Variants in CASD1 observed in about 807,000 individuals in gnomAD.
CASD1 encodes the protein N-acetylneuraminate (7)9-O-acetyltransferase.
In CASD1, 41 loss-of-function variants were observed where a neutral mutation model predicts 100.0. The observed-to-expected ratio is 0.41, with a 90% CI of 0.32 to 0.53. CASD1 has a LOEUF of 0.53. Among genes scored for constraint, CASD1 ranks in the 20% least tolerant of loss-of-function variants. The probability of loss-of-function intolerance (pLI) is 0.25; values close to 1 mark genes in which losing one functional copy is unlikely to be tolerated. For missense variants in CASD1, 774 were observed against 948.7 expected (o/e 0.82, Z 2.42); for synonymous variants, 321 against 315.6 (o/e 1.02, Z -0.18).
chr7:94,528,153 C>A (rs756312313), intron 4 of CASD1, 35 bp from the exon 5 acceptor site: 3 of 1,434,240 alleles, frequency 2.1e-6, no homozygotes, highest in Non-Finnish European at 2.9e-6. Flanking sequence ...AGAGTTTCTT[C>A]AACTTTTTCT....
the CASD1 span, chr7:94,594,444 C>T: frequency 1.3e-5 from 2 of 152,066 alleles, no homozygotes; most frequent in Non-Finnish European, 2.9e-5. Flanking sequence ...GGCTATAGCT[C>T]CTCATGACTG....
Position 94,556,788 on chromosome 7 carries a change from C to G in CASD1, c.*1030C>G, listed in dbSNP as rs1249938848. 1 of 151,736 alleles carries G rather than the reference C, an allele frequency of 6.6e-6. No homozygotes were observed. The allele number at this position is 151,736 out of a possible 1,614,324, so 9.4% of individuals were successfully genotyped here. On this transcript the variant is annotated 3_prime_UTR_variant, in exon 18 of 18. Transcript: ENST00000297273. ...TTGCTTTTTGTTTGATTTTTTTTTA[C>G]AAGCTAACTGTTAGAGGTATACATT...
At chr7:94,574,151 G>A in the CASD1 span, among the ~76,000 whole-genome samples, 2 of 152,114 alleles carry the variant, frequency 1.3e-5, no homozygotes, top group African/African-American at 4.8e-5. Flanking sequence ...GAGGATTTTT[G>A]CATCAATATT....
the CASD1 span, chr7:94,600,515 C>T: frequency 2.9e-6 from 2 of 679,812 alleles, no homozygotes; most frequent in Non-Finnish European, 5.2e-6. Flanking sequence ...TAAAGTATTG[C>T]AGTTTGGACA....
rs1796209831 is a variant in CASD1, at chr7:94,556,507, A to G, written c.*749A>G. ...AACGTTCACCTGTTTCCTTTCCTCA[A>G]GCTATACCAGTGTAATACCAGTTAC... On this transcript the variant is annotated 3_prime_UTR_variant, in exon 18 of 18. Coordinates refer to ENST00000297273, the MANE Select transcript of CASD1 (RefSeq NM_022900.5). 2 of 152,006 alleles carry G rather than the reference A, an allele frequency of 1.3e-5. No homozygotes were observed. The highest frequency in any genetic ancestry group is 4.8e-5 in the African/African-American group (2 of 41,448). The allele number at this position is 152,006 out of a possible 1,614,324, so 9.4% of individuals were successfully genotyped here.
chr7:94,586,674 A>C, the CASD1 span: 2 of 195,882 alleles, frequency 1.0e-5, no homozygotes, highest in East Asian at 3.7e-4. Context: ...TAATTTTTGT[A>C]TTTTTTTAGT....
At chr7:94,594,945 C>T in the CASD1 span, among the ~76,000 whole-genome samples, 1 of 152,092 alleles carries the variant, frequency 6.6e-6, no homozygotes, top group African/African-American at 2.4e-5. Context: ...AGGTTCTGCT[C>T]CAGCTTCCCT....
At chr7:94,567,341 C>T in the CASD1 span, among the ~76,000 whole-genome samples, 1 of 152,110 alleles carries the variant, frequency 6.6e-6, no homozygotes, top group African/African-American at 2.4e-5. Context: ...ATTTGAGCCT[C>T]CTATGCCCTG....
chr7:94,563,583 T>A, the CASD1 span, among the ~76,000 whole-genome samples: 1 of 151,320 alleles, frequency 6.6e-6, no homozygotes, highest in Admixed American at 6.6e-5. Context: ...CAGTTGCCAG[T>A]TGTCTTCTGT....
At position 94,555,353 on chromosome 7, in the gene CASD1, G is replaced by C. The variant is rs540686304; in HGVS notation, c.2128-139G>C. 1.2e-4 allele frequency: 92 copies of C among 772,958 alleles called. No individual in the cohort carries two copies. The African/African-American group carries it at 1.4e-3, about 12-fold the overall frequency. The allele number at this position is 772,958 out of a possible 1,614,324, so 47.9% of individuals were successfully genotyped here. A position where few individuals can be genotyped will look rare whatever the true frequency, so the allele number is the denominator to read the frequency against. On this transcript the variant is annotated intron_variant, in intron 17 of 17. Transcript: ENST00000297273. The stretch of plus-strand genomic sequence containing the variant: ...AGTAGACTGCAGTGGACTTTTCAGG[G>C]CCAGTAGTGAGACAGAATAAAATGG...
At chr7:94,618,149 C>T in the CASD1 span, 1 of 152,412 alleles carries the variant, frequency 6.6e-6, no homozygotes, top group South Asian at 2.1e-4. Context: ...CTGACAAATA[C>T]CTTTCAAATG....
rs148721185 is a variant in CASD1, at chr7:94,530,040, A to G, written c.459+1790A>G. 4.3e-3 allele frequency among the ~76,000 whole-genome samples: 652 copies of G among 152,246 alleles called. 2 individuals carry two copies. The highest frequency in any genetic ancestry group is 6.5e-3 in the Non-Finnish European group (443 of 67,992). On this transcript the variant is annotated intron_variant, in intron 5 of 17. Coordinates refer to ENST00000297273, the MANE Select transcript of CASD1 (RefSeq NM_022900.5). ...CACTGTTGATACACTGGTTAACGTT[A>G]TAGAGATCCTCCCCTCAAAGAGCTA... is the stretch of plus-strand genomic sequence containing the variant.
Position 94,537,681 on chromosome 7 carries a change from G to A in CASD1, c.1053G>A (p.Glu351=). ...CGTGTACTGATTTGGAAAGTGGAGA[G>A]GAAAAGAAAAATATTATCAATACCC... ...NKPCTDLESG[E]EKKNIINTPV... Residue 351 remains glutamate (E), a synonymous_variant, in exon 9 of 18, where the codon GAG becomes GAA. Coordinates refer to ENST00000297273, the MANE Select transcript of CASD1 (RefSeq NM_022900.5). 2 of 1,613,434 alleles carry A rather than the reference G, an allele frequency of 1.2e-6. No homozygotes were observed. The highest frequency in any genetic ancestry group is 1.7e-4 in the Middle Eastern group (1 of 6,058).
At chr7:94,542,757 A>G (rs1795476163) in intron 10 of CASD1, among the ~76,000 whole-genome samples, 1 of 152,178 alleles carries the variant, frequency 6.6e-6, no homozygotes, top group African/African-American at 2.4e-5. Flanking sequence ...GGGATATTTT[A>G]GAGTACATTC....
At chr7:94,593,407 A>T in the CASD1 span, among the ~76,000 whole-genome samples, 3 of 152,064 alleles carry the variant, frequency 2.0e-5, no homozygotes, top group Non-Finnish European at 2.9e-5. Flanking sequence ...CTCCAAAAAA[A>T]TCAATTGGTA....
At chr7:94,557,394 T>A (rs1796244346), downstream of CASD1, among the ~76,000 whole-genome samples, 1 of 152,096 alleles carries the variant, frequency 6.6e-6, no homozygotes, top group Non-Finnish European at 1.5e-5. Context: ...AATGATTCAT[T>A]GCTCTGCCTC....
chr7:94,530,772 T>C (rs1794814103), intron 5 of CASD1, among the ~76,000 whole-genome samples: 1 of 152,086 alleles, frequency 6.6e-6, no homozygotes, highest in African/African-American at 2.4e-5. Flanking sequence ...GCAGAGAATT[T>C]AGAGATTAAA....
At chr7:94,517,053 GC>G (rs1158360480) in intron 1 of CASD1, among the ~76,000 whole-genome samples, 3 of 152,012 alleles carry the variant, frequency 2.0e-5, no homozygotes, top group African/African-American at 7.3e-5. Context: ...ACAGATGTGT[GC>G]CACCACATCC....
chr7:94,562,070 T>G, the CASD1 span, among the ~76,000 whole-genome samples: 1 of 152,192 alleles, frequency 6.6e-6, no homozygotes, highest in Non-Finnish European at 1.5e-5. Context: ...GGGCTCTTTT[T>G]GTGGAGTCTG....
Sources: gnomAD v4.1 joint callset for allele counts (sites outside exome capture counted in the v4.1 genomes callset) on GRCh38, gnomAD v4.1.1 for gene constraint, MANE v1.5 for transcripts, NCBI Gene and HGNC (gene_info 2026-07-23, HGNC 2026-07-21) for gene names.